The following TOP3B variants were observed in gnomAD, a reference collection of about 807,000 sequenced individuals.
TOP3B encodes the protein DNA topoisomerase 3-beta-1.
TOP3B carries 45 observed loss-of-function variants against 93.9 expected under a neutral mutation model. The ratio of observed to expected loss-of-function variants is 0.48; its 90% CI spans 0.38 to 0.61. TOP3B has a LOEUF of 0.61. Among genes scored for constraint, TOP3B ranks in the 20% least tolerant of loss-of-function variants. The pLI is 0.00. For missense variants in TOP3B, 750 were observed against 1,156.1 expected (o/e 0.65, Z 5.09); for synonymous variants, 357 against 472.6 (o/e 0.76, Z 3.17).
In TOP3B at chr22:21,960,368, T is replaced by C. The variant is rs1315158680; in HGVS notation, c.1607A>G (p.Lys536Arg). 1 of 1,613,586 alleles carries C rather than the reference T, an allele frequency of 6.2e-7. No homozygotes were observed. Among genetic ancestry groups the C allele is most frequent in the Admixed American group, 1.7e-5 (1 of 59,986 alleles). ...YVTVESGRRL[K>R]PTNLGIVLVH... Reference sequence around the variant, plus strand: ...CAGGACGATGCCGAGGTTGGTGGGCTTGAGCCGGCGCCCGCTCTCCACCGT... The same window carrying C: ...CAGGACGATGCCGAGGTTGGTGGGCCTGAGCCGGCGCCCGCTCTCCACCGT... Residue 536 changes from lysine to arginine, a missense_variant, in exon 14 of 18, where the codon AAG becomes AGG. Around this residue, in one of 4 missense-constraint regions of TOP3B, gnomAD observed 737 missense variants for 933.7 expected, o/e 0.79. Coordinates refer to ENST00000357179, the MANE Select transcript of TOP3B (RefSeq NM_001282112.2).
chr22:21,975,661 T>G lies in TOP3B; in HGVS notation c.49A>C (p.Ile17Leu), dbSNP rs774405121. The change falls in exon 2 of 18, where the codon ATT becomes CTT. Residue 17 changes from isoleucine (I) to leucine (L), a missense_variant. By Grantham distance (5) the Ile-to-Leu change is conservative. Around this residue, in one of 4 missense-constraint regions of TOP3B, gnomAD observed 737 missense variants for 933.7 expected, o/e 0.79. Transcript: ENST00000357179. ...VAEKPSLAQS[I>L]AKILSRGSLS... is the part of the protein sequence containing the mutation. ...CTACCTCTAGAGAGGATTTTGGCAA[T>G]TGACTGTGCCAAGGACGGCTTTTCA... 1 of 1,611,926 alleles carries G rather than the reference T, an allele frequency of 6.2e-7. No homozygotes were observed. Among genetic ancestry groups the G allele is most frequent in the Non-Finnish European group, 8.5e-7 (1 of 1,178,464 alleles).
At chr22:21,978,261 G>A (rs1833429282) in intron 1 of TOP3B, among the ~76,000 whole-genome samples, 1 of 151,946 alleles carries the variant, frequency 6.6e-6, no homozygotes. Context: ...GGGAAGGTGA[G>A]TCAAGAATGA....
Position 21,964,000 on chromosome 22 carries a change from T to C in TOP3B, c.1127A>G (p.Asn376Ser), listed in dbSNP as rs1455696490. 1.2e-6 allele frequency: 2 copies of C among 1,611,100 alleles called. No homozygotes were observed. The highest frequency in any genetic ancestry group is 1.7e-6 in the Non-Finnish European group (2 of 1,178,850). Residue 376 changes from asparagine to serine, a missense_variant, in exon 11 of 18, where the codon AAC becomes AGC. Asn to Ser is a conservative substitution (Grantham distance 46). Transcript: ENST00000357179. The surrounding 1 kb of genome is among the most constrained non-coding windows in gnomAD (Gnocchi z 4.8). Reference protein sequence around the residue: ...TVKRLLAEGINRPRKGHDAGD... With the variant: ...TVKRLLAEGISRPRKGHDAGD... ...GGCGTCATGGCCTTTCCGCGGGCGG[T>C]TGATACCTTCTGCTAACAACCGCTT...
chr22:21,971,031 G>C lies in TOP3B; in HGVS notation c.385-625C>G. 7.7e-7 allele frequency: 1 copy of C among 1,302,242 alleles called. No homozygotes were observed. Among genetic ancestry groups the C allele is most frequent in the Non-Finnish European group, 1.0e-6 (1 of 987,732 alleles). 80.7% of individuals were successfully genotyped at this position (1,302,242 alleles called of 1,614,324 possible). A position where few individuals can be genotyped will look rare whatever the true frequency, so the allele number is the denominator to read the frequency against. On this transcript the variant is annotated intron_variant, in intron 5 of 17. Transcript: ENST00000357179. The surrounding 1 kb of genome is among the most constrained non-coding windows in gnomAD (Gnocchi z 4.6). ...GTCGCCGCCGGAGCCTGGCCACGCA[G>C]CTTCCTTACTGGGAATAAGTGGCTT...
chr22:21,962,987 T>C (rs759876117), intron 11 of TOP3B, 94 bp from the exon 12 acceptor site: 44 of 1,472,758 alleles, frequency 3.0e-5, no homozygotes, highest in Non-Finnish European at 4.1e-5. Flanking sequence ...AAGCTCCTGC[T>C]TACAGAGCCG....
At chr22:21,980,137 G>A (rs2084597588) in intron 1 of TOP3B, among the ~76,000 whole-genome samples, 1 of 152,150 alleles carries the variant, frequency 6.6e-6, no homozygotes, top group South Asian at 2.1e-4. Flanking sequence ...GCACACGTGT[G>A]CACTTGATTA....
Position 21,970,150 on chromosome 22 carries a change from C to T in TOP3B, c.581+60G>A. ...GGCCCCGGAGGGGGACCAGTAGAGG[C>T]AGGTCTCTGGCTGAGGGAGAGTGAG... On this transcript the variant is annotated intron_variant, in intron 6 of 17. Coordinates refer to ENST00000357179, the MANE Select transcript of TOP3B (RefSeq NM_001282112.2). The surrounding 1 kb of genome is among the most constrained non-coding windows in gnomAD (Gnocchi z 4.4). 7 of 1,573,052 alleles carry T rather than the reference C, an allele frequency of 4.4e-6. No homozygotes were observed. The highest frequency in any genetic ancestry group is 6.0e-6 in the Non-Finnish European group (7 of 1,161,156).
rs991245535 is a variant in TOP3B, at chr22:21,970,346, G to A, written c.445C>T (p.Arg149Trp). The A allele has an allele frequency of 8.7e-6, 14 of 1,614,024 alleles. No individual in the cohort carries two copies. Among genetic ancestry groups the A allele is most frequent in the South Asian group, 2.2e-5 (2 of 91,066 alleles). Residue 149 changes from arginine to tryptophan, a missense_variant, in exon 6 of 18, where the codon CGG becomes TGG. Coordinates refer to ENST00000357179, the MANE Select transcript of TOP3B (RefSeq NM_001282112.2). This position sits in a 1 kb window ranked among gnomAD's most constrained non-coding sequence, Gnocchi z 4.4. ...TCCGTGATGGAGCTAAACCTGGCCC[G>A]GAACACGGTCTTCTCGCCACCATGG... ...KAHGGEKTVF[R>W]ARFSSITDTD...
chr22:21,962,066 C>T, intron 13 of TOP3B: 1 of 1,172,578 alleles, frequency 8.5e-7, no homozygotes. Context: ...CACCTGATTT[C>T]AGGACAGCCC....
At position 21,981,883 on chromosome 22, in the gene TOP3B, T is replaced by C. The variant is rs187105259; in HGVS notation, c.-99+847A>G. 2.6e-5 allele frequency among the ~76,000 whole-genome samples: 4 copies of C among 152,136 alleles called. No homozygotes were observed. In the East Asian group the frequency reaches 5.8e-4, roughly 22 times the overall value. The stretch of plus-strand genomic sequence containing the variant: ...TGAATAGCATTAAAATTCCTAGGAT[T>C]TACCACCTCAGTAACTTTACCAAAT... On this transcript the variant is annotated intron_variant, in intron 1 of 17. Coordinates refer to ENST00000357179, the MANE Select transcript of TOP3B (RefSeq NM_001282112.2).
Position 21,963,953 on chromosome 22 carries a change from G to T in TOP3B, c.1174C>A (p.Pro392Thr). The T allele has an allele frequency of 6.2e-7, 1 of 1,613,572 alleles. No individual in the cohort carries two copies. Among genetic ancestry groups the T allele is most frequent in the Non-Finnish European group, 8.5e-7 (1 of 1,179,930 alleles). ...HDAGDHPPIT[P>T]MKSATEAELG... is the part of the protein sequence containing the mutation. Reference sequence around the variant, plus strand: ...TCGGCCTCTGTGGCAGACTTCATGGGGGTGATGGGGGGATGGTCGCCGGCG... The same window carrying T: ...TCGGCCTCTGTGGCAGACTTCATGGTGGTGATGGGGGGATGGTCGCCGGCG... Residue 392 changes from proline (P) to threonine (T), a missense_variant, in exon 11 of 18, where the codon CCC becomes ACC. By Grantham distance (38) the Pro-to-Thr change is conservative. Around this residue, in one of 4 missense-constraint regions of TOP3B, gnomAD observed 737 missense variants for 933.7 expected, o/e 0.79. Transcript: ENST00000357179. This position sits in a 1 kb window ranked among gnomAD's most constrained non-coding sequence, Gnocchi z 4.8.
In TOP3B at chr22:21,978,366, G is replaced by A. The variant is rs950333776; in HGVS notation, c.-98-2559C>T. Among the ~76,000 whole-genome samples the A allele has an allele frequency of 4.6e-5, 7 of 152,224 alleles. No homozygotes were observed. In the East Asian group the frequency reaches 1.4e-3, roughly 29 times the overall value. The stretch of plus-strand genomic sequence containing the variant: ...GGCGAAGGCAAGAGGACCACTTGAG[G>A]CCAGGAGTTTGAGAAGAGCCTGATT... On this transcript the variant is annotated intron_variant, in intron 1 of 17. Transcript: ENST00000357179.
At chr22:21,967,320 G>C (rs2071451570) in intron 8 of TOP3B, 1 of 382,892 alleles carries the variant, frequency 2.6e-6, no homozygotes, top group East Asian at 5.0e-5. Flanking sequence ...ATGCCTAGCG[G>C]GTCACGTGGA....
At position 21,959,669 on chromosome 22, in the gene TOP3B, G is replaced by A. The variant is rs751052588; in HGVS notation, c.1722C>T (p.Gly574=). 6.2e-7 allele frequency: 1 copy of A among 1,613,734 alleles called. No individual in the cohort carries two copies. Among genetic ancestry groups the A allele is most frequent in the South Asian group, 1.1e-5 (1 of 91,084 alleles). ...CCAGGACCTGGCGGTAGTCGGCCTT[G>A]CCCTGGGCGATCAGGTTCAGCTGCT... ...VEKQLNLIAQ[G]KADYRQVLGH... Residue 574 remains glycine (G), a synonymous_variant, in exon 15 of 18, where the codon GGC becomes GGT. Coordinates refer to ENST00000357179, the MANE Select transcript of TOP3B (RefSeq NM_001282112.2).
intron 4 of TOP3B, 183 bp downstream of exon 4, chr22:21,972,429 T>G: frequency 1.8e-6 from 1 of 555,408 alleles, no homozygotes; most frequent in South Asian, 2.4e-5. Context: ...CAATGGCAAC[T>G]GCCTTGTGTG....
At chr22:21,968,059 C>T (rs2071484987) in intron 7 of TOP3B, 1 of 320,916 alleles carries the variant, frequency 3.1e-6, no homozygotes, top group Admixed American at 4.6e-5. Context: ...GGTCCCAAGC[C>T]CCGTGTCAGC....
At position 21,962,811 on chromosome 22, in the gene TOP3B, G is replaced by A. The variant is rs1282802316; in HGVS notation, c.1287C>T (p.Ser429=). ...TVSHDCKYLQ[S]TISFRIGPEL... Reference sequence around the variant, plus strand: ...CGGGCCCAATTCTGAAGGAGATGGTGCTCTGCAGGTACTTGCAGTCATGGC... The same window carrying A: ...CGGGCCCAATTCTGAAGGAGATGGTACTCTGCAGGTACTTGCAGTCATGGC... The change falls in exon 12 of 18, where the codon AGC becomes AGT. Residue 429 remains serine (S), a synonymous_variant. Coordinates refer to ENST00000357179, the MANE Select transcript of TOP3B (RefSeq NM_001282112.2). 3.7e-6 allele frequency: 6 copies of A among 1,613,998 alleles called. No individual in the cohort carries two copies. The highest frequency in any genetic ancestry group is 1.3e-5 in the African/African-American group (1 of 74,918).
intron 2 of TOP3B, 27 bp from the exon 3 acceptor site, chr22:21,974,515 T>G (rs1056622151): frequency 6.3e-7 from 1 of 1,575,690 alleles, no homozygotes; most frequent in South Asian, 1.1e-5. Context: ...ACAAAGTGAC[T>G]GGCTGCTTCA....
chr22:21,980,927 T>C (rs1172220447), intron 1 of TOP3B, among the ~76,000 whole-genome samples: 1 of 152,216 alleles, frequency 6.6e-6, no homozygotes, highest in African/African-American at 2.4e-5. Context: ...AAGGTGATTA[T>C]GACTGGCCTC....
Sources: gnomAD v4.1 joint callset for allele counts (sites outside exome capture counted in the v4.1 genomes callset) on GRCh38, gnomAD v4.1.1 for gene constraint, gnomAD v4.1.1 regional missense constraint, Gnocchi (gnomAD v3.1) non-coding constraint, MANE v1.5 for transcripts, NCBI Gene and HGNC (gene_info 2026-07-23, HGNC 2026-07-21) for gene names.